The following EBAG9 variants were observed in gnomAD, a reference collection of about 807,000 sequenced individuals.
EBAG9 encodes estrogen receptor binding site associated antigen 9.
In EBAG9, 16 loss-of-function variants were observed where a neutral mutation model predicts 30.9. The ratio of observed to expected loss-of-function variants is 0.52; its 90% CI spans 0.35 to 0.79. EBAG9 has a LOEUF of 0.79. EBAG9 is among the 30% of genes least tolerant of loss of function. The pLI is 0.01. For missense variants in EBAG9, 197 were observed against 242.1 expected (o/e 0.81, Z 1.24); for synonymous variants, 93 against 82.8 (o/e 1.12, Z -0.67).
At chr8:109,559,956 T>C (rs1442523231) in intron 5 of EBAG9, among the ~76,000 whole-genome samples, 2 of 151,574 alleles carry the variant, frequency 1.3e-5, no homozygotes, top group East Asian at 1.9e-4. Flanking sequence ...ATTAAATAAT[T>C]AGAAATATTT....
At chr8:109,562,478 A>G (rs1443373530) in intron 6 of EBAG9, among the ~76,000 whole-genome samples, 1 of 152,010 alleles carries the variant, frequency 6.6e-6, no homozygotes, top group Non-Finnish European at 1.5e-5. Context: ...CTGCCCCTGA[A>G]TAGACATTGA....
chr8:109,554,219 C>G (rs868135349), intron 3 of EBAG9, among the ~76,000 whole-genome samples: 1 of 152,272 alleles, frequency 6.6e-6, no homozygotes. Context: ...TTAGAGAATT[C>G]CAACATATCA....
chr8:109,556,632 G>A (rs561436087), intron 4 of EBAG9, among the ~76,000 whole-genome samples: 16 of 152,170 alleles, frequency 1.1e-4, no homozygotes, highest in African/African-American at 3.9e-4. Context: ...TATGATACCT[G>A]TTGTTATTTA....
intron 4 of EBAG9, among the ~76,000 whole-genome samples, chr8:109,556,603 G>T (rs865867807): frequency 2.0e-5 from 3 of 152,056 alleles, no homozygotes; most frequent in Non-Finnish European, 2.9e-5. Context: ...TGAGAGAGTT[G>T]TTAATACTAT....
intron 1 of EBAG9, among the ~76,000 whole-genome samples, chr8:109,542,961 A>AGT (rs1821306901): frequency 6.6e-6 from 1 of 152,106 alleles, no homozygotes; most frequent in South Asian, 2.1e-4. Context: ...GGAAATAGGA[A>AGT]AGAATATGGG....
At chr8:109,555,131 C>G (rs1341945672) in intron 4 of EBAG9, among the ~76,000 whole-genome samples, 1 of 152,022 alleles carries the variant, frequency 6.6e-6, no homozygotes, top group African/African-American at 2.4e-5. Context: ...TATCCCTCCC[C>G]TCTCCCCCAA....
intron 1 of EBAG9, among the ~76,000 whole-genome samples, chr8:109,546,095 C>CT (rs1273614398): frequency 6.6e-6 from 1 of 152,144 alleles, no homozygotes; most frequent in African/African-American, 2.4e-5. Flanking sequence ...AATAATGTTT[C>CT]TTTTCACTAA....
chr8:109,553,808 C>A, intron 2 of EBAG9, 57 bp from the exon 3 acceptor site: 1 of 1,387,524 alleles, frequency 7.2e-7, no homozygotes, highest in Non-Finnish European at 1.0e-6. Flanking sequence ...CATAATAGTG[C>A]TTTTACTTTG....
chr8:109,543,770 C>T (rs933442488), intron 1 of EBAG9, among the ~76,000 whole-genome samples: 5 of 152,124 alleles, frequency 3.3e-5, no homozygotes, highest in African/African-American at 1.2e-4. Flanking sequence ...GTAGCTCACA[C>T]CTGTAATCCC....
At chr8:109,558,143 ATTTG>A (rs1168630283) in intron 5 of EBAG9, among the ~76,000 whole-genome samples, 1 of 152,198 alleles carries the variant, frequency 6.6e-6, no homozygotes, top group African/African-American at 2.4e-5. Context: ...TATGTATTTT[ATTTG>A]TTTGTTTAAA....
intron 6 of EBAG9, 58 bp from the exon 7 acceptor site, chr8:109,564,381 T>G (rs1821773679): frequency 6.3e-7 from 1 of 1,582,486 alleles, no homozygotes; most frequent in Non-Finnish European, 8.6e-7. Context: ...TTTCTAGAAT[T>G]TATTTGCCAT....
At chr8:109,563,611 G>A (rs971401166) in intron 6 of EBAG9, 15 of 1,443,046 alleles carry the variant, frequency 1.0e-5, no homozygotes, top group Non-Finnish European at 1.4e-5. Context: ...AGTTCAGGGG[G>A]ACATGTGCAG....
chr8:109,541,940 T>G (rs959909679), intron 1 of EBAG9, among the ~76,000 whole-genome samples: 1 of 152,216 alleles, frequency 6.6e-6, no homozygotes, highest in Non-Finnish European at 1.5e-5. Context: ...TTGGAAAATT[T>G]ATCTTGGAAG....
chr8:109,544,150 T>TA (rs1199095485), intron 1 of EBAG9, among the ~76,000 whole-genome samples: 1 of 152,196 alleles, frequency 6.6e-6, no homozygotes, highest in South Asian at 2.1e-4. Context: ...GTAAGGTAAT[T>TA]AAAAAACTAA....
intron 1 of EBAG9, among the ~76,000 whole-genome samples, chr8:109,549,897 G>A (rs1174314317): frequency 2.0e-5 from 3 of 151,928 alleles, no homozygotes; most frequent in Non-Finnish European, 4.4e-5. Context: ...ATTAGTGCTA[G>A]CATAGTATAT....
At chr8:109,547,873 T>A (rs571755632) in intron 1 of EBAG9, among the ~76,000 whole-genome samples, 1 of 152,238 alleles carries the variant, frequency 6.6e-6, no homozygotes, top group Non-Finnish European at 1.5e-5. Flanking sequence ...GAGAGGTTCT[T>A]ATATATTCTG....
chr8:109,558,136 G>A (rs1821637931), intron 5 of EBAG9, among the ~76,000 whole-genome samples: 1 of 152,174 alleles, frequency 6.6e-6, no homozygotes, highest in Non-Finnish European at 1.5e-5. Flanking sequence ...GTCAATCTAT[G>A]TATTTTATTT....
intron 1 of EBAG9, among the ~76,000 whole-genome samples, chr8:109,549,370 T>C (rs2131108573): frequency 6.6e-6 from 1 of 152,146 alleles, no homozygotes; most frequent in South Asian, 2.1e-4. Flanking sequence ...AGTAATATCT[T>C]TGGATTAGTA....
At chr8:109,548,066 C>T (rs1281617877) in intron 1 of EBAG9, among the ~76,000 whole-genome samples, 1 of 151,848 alleles carries the variant, frequency 6.6e-6, no homozygotes, top group Non-Finnish European at 1.5e-5. Context: ...TTTGCCTAAC[C>T]CAGGGTCACA....
Sources: allele counts gnomAD v4.1 joint callset (sites outside exome capture counted in the v4.1 genomes callset), GRCh38; gene constraint gnomAD v4.1.1; transcripts MANE v1.5; gene names NCBI Gene and HGNC (gene_info 2026-07-23, HGNC 2026-07-21).